The following ZNF804B variants were observed in gnomAD, a reference collection of about 807,000 sequenced individuals.
ZNF804B encodes the protein zinc finger 804B.
ZNF804B carries 80 observed loss-of-function variants against 101.4 expected under a neutral mutation model. The ratio of observed to expected loss-of-function variants is 0.79; its 90% CI spans 0.66 to 0.95. ZNF804B has a LOEUF of 0.95. Among genes scored for constraint, ZNF804B ranks in the 40% least tolerant of loss-of-function variants. ZNF804B has a pLI of 0.00. For synonymous variants in ZNF804B, 622 were observed against 558.8 expected, an observed-to-expected ratio of 1.11 and a Z score of -1.59; for missense variants, 1,673 against 1,561.9, an observed-to-expected ratio of 1.07 and a Z score of -1.20.
chr7:88,832,785 T>G (rs1791152371), intron 1 of ZNF804B, among the ~76,000 whole-genome samples: 1 of 152,002 alleles, frequency 6.6e-6, no homozygotes. Context: ...AGCTCACTGC[T>G]TGCACTATCA....
intron 1 of ZNF804B, among the ~76,000 whole-genome samples, chr7:88,811,271 C>T (rs1041636878): frequency 3.9e-5 from 6 of 152,152 alleles, no homozygotes; most frequent in Non-Finnish European, 5.9e-5. Flanking sequence ...CTCAACATCA[C>T]TGATCTTTAG....
chr7:88,899,891 C>T (rs1391400031), intron 1 of ZNF804B, among the ~76,000 whole-genome samples: 3 of 152,122 alleles, frequency 2.0e-5, no homozygotes, highest in Non-Finnish European at 4.4e-5. Context: ...TGGTAGTTTA[C>T]ATATTTTATG....
chr7:89,336,997 A>C lies in ZNF804B; in HGVS notation c.4015A>C (p.Lys1339Gln). The part of the protein sequence containing the change: ...SSQMQQLNEV[K>Q]EALNVSTHLN Reference sequence around the variant, plus strand: ...CCAGATGCAACAGCTAAATGAAGTGAAAGAGGCCTTAAATGTGTCCACACA... The same window carrying C: ...CCAGATGCAACAGCTAAATGAAGTGCAAGAGGCCTTAAATGTGTCCACACA... Residue 1339 changes from lysine to glutamine, a missense_variant, in exon 4 of 4, where the codon AAA (lysine) becomes CAA (glutamine). By Grantham distance (53) the Lys-to-Gln change is moderately conservative. Coordinates refer to ENST00000333190, the MANE Select transcript of ZNF804B (RefSeq NM_181646.5). 6.2e-7 allele frequency: 1 copy of C among 1,614,058 alleles called. No homozygotes were observed. Among genetic ancestry groups the C allele is most frequent in the Non-Finnish European group, 8.5e-7 (1 of 1,179,964 alleles).
intron 1 of ZNF804B, among the ~76,000 whole-genome samples, chr7:88,975,240 G>T (rs2116120380): frequency 6.6e-6 from 1 of 151,412 alleles, no homozygotes; most frequent in Admixed American, 6.6e-5. Flanking sequence ...CAATAAACAT[G>T]GGAGGGCAGA....
intron 1 of ZNF804B, among the ~76,000 whole-genome samples, chr7:89,208,461 A>T (rs1215152098): frequency 6.6e-6 from 1 of 152,202 alleles, no homozygotes; most frequent in Non-Finnish European, 1.5e-5. Context: ...TCTGTATCTG[A>T]TCATTAAGAA....
chr7:88,806,377 G>T (rs1790693491), intron 1 of ZNF804B, among the ~76,000 whole-genome samples: 1 of 152,064 alleles, frequency 6.6e-6, no homozygotes, highest in Non-Finnish European at 1.5e-5. Context: ...GGATAGTTTG[G>T]ATTTAAGAGA....
chr7:89,054,938 G>T (rs10242477), intron 1 of ZNF804B, among the ~76,000 whole-genome samples: 6 of 151,902 alleles, frequency 3.9e-5, no homozygotes, highest in Non-Finnish European at 5.9e-5. Context: ...CAATGGCCAA[G>T]AACTTTGCTA....
chr7:89,274,535 C>T (rs1584097479), intron 2 of ZNF804B, among the ~76,000 whole-genome samples: 1 of 151,290 alleles, frequency 6.6e-6, no homozygotes, highest in African/African-American at 2.4e-5. Context: ...GTATATGTGC[C>T]ACATTTTCTT....
rs369664897 is a variant in ZNF804B at position 89,091,100 on chromosome 7, TAA to T, written c.109-127053_109-127052del. The stretch of plus-strand genomic sequence containing the variant: ...CAAAATTTACTTCATTTTTTATCAG[TAA>T]ATTTAATGATAGCTTTTGTCATTGA... On this transcript the variant is annotated intron_variant, in intron 1 of 3. Coordinates refer to ENST00000333190, the MANE Select transcript of ZNF804B (RefSeq NM_181646.5). Among the ~76,000 whole-genome samples the T allele has an allele frequency of 3.0e-3, 455 of 152,240 alleles. 2 individuals carry two copies. The highest frequency in any genetic ancestry group is 5.1e-3 in the Non-Finnish European group (349 of 67,994).
intron 1 of ZNF804B, among the ~76,000 whole-genome samples, chr7:89,217,379 C>T (rs150767095): frequency 8.2e-4 from 125 of 152,256 alleles, no homozygotes; most frequent in Middle Eastern, 3.4e-3. Context: ...AGTGTGTAAT[C>T]TCTCTAAGCA....
intron 1 of ZNF804B, among the ~76,000 whole-genome samples, chr7:89,164,065 G>A (rs1791107264): frequency 2.0e-5 from 3 of 151,340 alleles, no homozygotes; most frequent in African/African-American, 7.3e-5. Flanking sequence ...GCTTCTTCAA[G>A]CATTCTTCAA....
At position 89,334,680 on chromosome 7, in the gene ZNF804B, T is replaced by A; in HGVS notation, c.1698T>A (p.Tyr566Ter). 1 of 1,613,712 alleles carries A rather than the reference T, an allele frequency of 6.2e-7. No individual in the cohort carries two copies. Among genetic ancestry groups the A allele is most frequent in the Non-Finnish European group, 8.5e-7 (1 of 1,179,828 alleles). The change falls in exon 4 of 4, where the codon TAT becomes TAA. Residue 566 changes from tyrosine to a stop codon, truncating the protein, a stop_gained. Coordinates refer to ENST00000333190, the MANE Select transcript of ZNF804B (RefSeq NM_181646.5). LOFTEE classifies it high-confidence loss of function. Reference protein sequence around the residue: ...YSDSEPNKSEYTFSANDLEMK... With the variant: ...YSDSEPNKSE ...ATTCTGAGCCAAATAAGAGTGAATA[T>A]ACTTTCAGTGCAAATGATTTGGAAA...
chr7:88,801,744 G>C (rs1476274004), intron 1 of ZNF804B, among the ~76,000 whole-genome samples: 1 of 151,878 alleles, frequency 6.6e-6, no homozygotes, highest in East Asian at 1.9e-4. Context: ...GAAATATAAA[G>C]ACAGTTTTTA....
intron 2 of ZNF804B, among the ~76,000 whole-genome samples, chr7:89,227,704 T>TGAGAGA: frequency 6.6e-6 from 1 of 151,840 alleles, no homozygotes; most frequent in East Asian, 1.9e-4. Flanking sequence ...GCCATCTCTC[T>TGAGAGA]GAGAGAGAGA....
At position 88,879,078 on chromosome 7, in the gene ZNF804B, A is replaced by C. The variant is rs149504776; in HGVS notation, c.108+118994A>C. Among the ~76,000 whole-genome samples, 734 of 152,318 alleles carry C rather than the reference A, an allele frequency of 4.8e-3. 3 individuals carry two copies. The highest frequency in any genetic ancestry group is 8.4e-3 in the Non-Finnish European group (571 of 68,022). On this transcript the variant is annotated intron_variant, in intron 1 of 3. Transcript: ENST00000333190. ...TCCCGCGATACTCAGAAAACAGTAT[A>C]AAAAGGACCAAGTGGTTTGAAACAG...
rs575297548 is a variant in ZNF804B at position 89,311,139 on chromosome 7, A to G, written c.250-16205A>G. 2.0e-5 allele frequency among the ~76,000 whole-genome samples: 3 copies of G among 152,284 alleles called. No individual in the cohort carries two copies. The East Asian group carries it at 5.8e-4, about 29-fold the overall frequency. ...AGAGGTAGAAATGAACCTCACACAC[A>G]AAAAAATCCTTACTGATTCTCTTAA... is the stretch of plus-strand genomic sequence containing the variant. On this transcript the variant is annotated intron_variant, in intron 2 of 3. Transcript: ENST00000333190.
At chr7:88,860,641 A>G (rs1054613359) in intron 1 of ZNF804B, among the ~76,000 whole-genome samples, 4 of 152,104 alleles carry the variant, frequency 2.6e-5, no homozygotes, top group African/African-American at 7.2e-5. Context: ...AGATAATTGG[A>G]TTGTTTTGGT....
At chr7:89,119,835 T>TA (rs1422146669) in intron 1 of ZNF804B, among the ~76,000 whole-genome samples, 3 of 152,148 alleles carry the variant, frequency 2.0e-5, no homozygotes, top group Non-Finnish European at 4.4e-5. Flanking sequence ...AATACATAAT[T>TA]AAAAAAATAC....
At chr7:89,281,063 T>A (rs1790086725) in intron 2 of ZNF804B, among the ~76,000 whole-genome samples, 1 of 152,208 alleles carries the variant, frequency 6.6e-6, no homozygotes, top group African/African-American at 2.4e-5. Context: ...AACAGCATAA[T>A]TGTATTCTGA....
Sources: allele counts gnomAD v4.1 joint callset (sites outside exome capture counted in the v4.1 genomes callset), GRCh38; gene constraint gnomAD v4.1.1; transcripts MANE v1.5; gene names NCBI Gene and HGNC (gene_info 2026-07-23, HGNC 2026-07-21).